COX10: variants seen among roughly 807,000 people sequenced by gnomAD.
The protein encoded by COX10 is cytochrome c oxidase assembly factor heme A:farnesyltransferase COX10, also known as protoheme IX farnesyltransferase, mitochondrial.
In COX10, 27 loss-of-function variants were observed where a neutral mutation model predicts 37.3. The ratio of observed to expected loss-of-function variants is 0.72; its 90% CI spans 0.53 to 1.00. The LOEUF (loss-of-function observed/expected upper bound fraction) is 1.00. Ranked by LOEUF, COX10 falls within the 50% of genes least tolerant of loss-of-function variation. COX10 has a pLI of 0.00. For missense variants in COX10, 475 were observed against 563.2 expected, an observed-to-expected ratio of 0.84 and a Z score of 1.59; for synonymous variants, 222 against 229.1, an observed-to-expected ratio of 0.97 and a Z score of 0.28.
chr17:14,160,941 G>A (rs1287777802), intron 5 of COX10, among the ~76,000 whole-genome samples: 1 of 151,608 alleles, frequency 6.6e-6, no homozygotes, highest in Non-Finnish European at 1.5e-5. Flanking sequence ...TGTTTTAGAG[G>A]GGAAAATGCA....
At chr17:14,195,232 G>A (rs1467147328) in intron 6 of COX10, among the ~76,000 whole-genome samples, 1 of 152,164 alleles carries the variant, frequency 6.6e-6, no homozygotes, top group Admixed American at 6.5e-5. Context: ...ACAAATGAGT[G>A]AACATAGGTA....
At chr17:14,145,644 CT>C (rs1164131716) in intron 4 of COX10, among the ~76,000 whole-genome samples, 1 of 152,150 alleles carries the variant, frequency 6.6e-6, no homozygotes, top group Admixed American at 6.6e-5. Context: ...GAGCATTTAA[CT>C]TTATTCCTTG....
In COX10 at chr17:14,074,402, G is replaced by A. The variant is rs886052599; in HGVS notation, c.123G>A (p.Arg41=). Residue 41 remains arginine, a synonymous_variant, in exon 2 of 7, where the codon AGG becomes AGA. Transcript: ENST00000261643. ...DSPHKFLHLL[R]NVNKQWITFQ... Reference sequence around the variant, plus strand: ...CTCACAAGTTCTTACATCTTCTCAGGAATGTCAATAAGCAGTGGATTACAT... The same window carrying A: ...CTCACAAGTTCTTACATCTTCTCAGAAATGTCAATAAGCAGTGGATTACAT... The A allele has an allele frequency of 1.9e-6, 3 of 1,613,922 alleles. No individual in the cohort carries two copies. The highest frequency in any genetic ancestry group is 2.5e-6 in the Non-Finnish European group (3 of 1,179,878).
intron 3 of COX10, among the ~76,000 whole-genome samples, chr17:14,097,116 T>C (rs1255236086): frequency 6.6e-6 from 1 of 152,182 alleles, no homozygotes; most frequent in East Asian, 1.9e-4. Flanking sequence ...CATTCACTTT[T>C]AATGAGATTT....
In COX10 at chr17:14,069,595, A is replaced by G. The variant is rs1914962879; in HGVS notation, c.-11A>G. On this transcript the variant is annotated 5_prime_UTR_variant, in exon 1 of 7. Coordinates refer to ENST00000261643, the MANE Select transcript of COX10 (RefSeq NM_001303.4). ...CAGGGATCCCGGGGAGCGGCCCCAG[A>G]CTCGTAAATTATGGCCGCATCTCCG... 2 of 1,613,396 alleles carry G rather than the reference A, an allele frequency of 1.2e-6. No individual in the cohort carries two copies. Among genetic ancestry groups the G allele is most frequent in the African/African-American group, 1.3e-5 (1 of 74,756 alleles).
intron 3 of COX10, among the ~76,000 whole-genome samples, chr17:14,080,371 G>A (rs1915264615): frequency 6.6e-6 from 1 of 151,768 alleles, no homozygotes; most frequent in African/African-American, 2.4e-5. Flanking sequence ...CTGCCACCAC[G>A]CCTGGCTAAT....
intron 4 of COX10, among the ~76,000 whole-genome samples, chr17:14,149,252 T>C (rs2142231886): frequency 6.6e-6 from 1 of 152,188 alleles, no homozygotes; most frequent in South Asian, 2.1e-4. Flanking sequence ...ATACTTACTA[T>C]GTTTATATCA....
At chr17:14,121,002 T>C (rs1396362664) in intron 4 of COX10, among the ~76,000 whole-genome samples, 1 of 152,204 alleles carries the variant, frequency 6.6e-6, no homozygotes, top group Non-Finnish European at 1.5e-5. Context: ...CTTTGTCCTT[T>C]GCTTCTGTAA....
chr17:14,101,762 G>T (rs1475159696), intron 3 of COX10, among the ~76,000 whole-genome samples: 1 of 152,172 alleles, frequency 6.6e-6, no homozygotes. Context: ...TTAGTCAAGA[G>T]CAAGAATAAG....
intron 4 of COX10, among the ~76,000 whole-genome samples, chr17:14,132,221 A>C (rs1176974353): frequency 1.3e-5 from 2 of 151,926 alleles, no homozygotes; most frequent in African/African-American, 2.4e-5. Context: ...TATATCAGGA[A>C]TTTTTGATAT....
At chr17:14,144,814 CT>C (rs957282541) in intron 4 of COX10, among the ~76,000 whole-genome samples, 1 of 151,330 alleles carries the variant, frequency 6.6e-6, no homozygotes, top group Non-Finnish European at 1.5e-5. Context: ...TCTTTTTTTT[CT>C]TTTTCTCTCT....
At chr17:14,144,248 G>A (rs1191216673) in intron 4 of COX10, among the ~76,000 whole-genome samples, 3 of 152,030 alleles carry the variant, frequency 2.0e-5, no homozygotes, top group Non-Finnish European at 2.9e-5. Context: ...TGCAGTAAAT[G>A]TTCATGTTCT....
At chr17:14,167,389 C>T (rs1905322576) in intron 5 of COX10, among the ~76,000 whole-genome samples, 1 of 152,172 alleles carries the variant, frequency 6.6e-6, no homozygotes, top group Admixed American at 6.5e-5. Context: ...GTAGATAAAG[C>T]AGTGTCAGAG....
chr17:14,124,001 T>G (rs985147915), intron 4 of COX10, among the ~76,000 whole-genome samples: 2 of 152,184 alleles, frequency 1.3e-5, no homozygotes, highest in Non-Finnish European at 2.9e-5. Context: ...TTTTGTTACT[T>G]AAAAGCAGAT....
intron 3 of COX10, among the ~76,000 whole-genome samples, chr17:14,091,427 A>T (rs1446225848): frequency 1.3e-5 from 2 of 152,232 alleles, no homozygotes; most frequent in African/African-American, 4.8e-5. Context: ...TCATCTCAAA[A>T]GTATTTCTAA....
At chr17:14,149,190 A>G (rs1904819892) in intron 4 of COX10, among the ~76,000 whole-genome samples, 1 of 151,912 alleles carries the variant, frequency 6.6e-6, no homozygotes, top group African/African-American at 2.4e-5. Flanking sequence ...ACTCTGTTAA[A>G]TAGAACTGTT....
intron 6 of COX10, among the ~76,000 whole-genome samples, chr17:14,196,351 T>C (rs1405180051): frequency 6.6e-6 from 1 of 152,148 alleles, no homozygotes; most frequent in Non-Finnish European, 1.5e-5. Flanking sequence ...GGCTGTGGGC[T>C]CTCTTAACTT....
intron 3 of COX10, among the ~76,000 whole-genome samples, chr17:14,090,339 G>T (rs925618375): frequency 2.0e-5 from 3 of 152,008 alleles, no homozygotes; most frequent in Non-Finnish European, 2.9e-5. Context: ...AATTTTAAAA[G>T]AATGTTACAA....
At chr17:14,085,285 G>T (rs1196347309) in intron 3 of COX10, among the ~76,000 whole-genome samples, 1 of 152,038 alleles carries the variant, frequency 6.6e-6, no homozygotes, top group African/African-American at 2.4e-5. Flanking sequence ...TTTCTATTTT[G>T]TTTTATAAAA....
Sources: gnomAD v4.1 joint callset for allele counts (sites outside exome capture counted in the v4.1 genomes callset) on GRCh38, gnomAD v4.1.1 for gene constraint, MANE v1.5 for transcripts, NCBI Gene and HGNC (gene_info 2026-07-23, HGNC 2026-07-21) for gene names.